TMEM232: variants seen among roughly 807,000 people sequenced by gnomAD.
The protein encoded by TMEM232 is transmembrane protein 232.
A neutral mutation model predicts 78.8 loss-of-function variants in TMEM232; 80 were observed. The ratio of observed to expected loss-of-function variants is 1.01; its 90% CI spans 0.85 to 1.22. The LOEUF (loss-of-function observed/expected upper bound fraction) is 1.22. Ranked by LOEUF, TMEM232 falls within the 50% of genes most tolerant of loss-of-function variation. TMEM232 has a pLI of 0.00. For synonymous variants in TMEM232, 297 were observed against 254.3 expected (o/e 1.17, Z -1.60); for missense variants, 881 against 742.2 (o/e 1.19, Z -2.17).
intron 12 of TMEM232, among the ~76,000 whole-genome samples, chr5:110,490,192 A>AGAAAGAAAGAAG (rs879275196): frequency 2.7e-5 from 4 of 150,618 alleles, no homozygotes; most frequent in Non-Finnish European, 3.0e-5. Flanking sequence ...AAAGAAAGAA[A>AGAAAGAAAGAAG]AAGTTAATTG....
intron 12 of TMEM232, among the ~76,000 whole-genome samples, chr5:110,515,586 C>G (rs573997584): frequency 6.6e-6 from 1 of 152,334 alleles, no homozygotes; most frequent in East Asian, 1.9e-4. Context: ...CAAACTCCAG[C>G]ACCCCTAATC....
chr5:110,574,110 C>T (rs563893040), intron 10 of TMEM232, among the ~76,000 whole-genome samples: 1 of 151,846 alleles, frequency 6.6e-6, no homozygotes, highest in Non-Finnish European at 1.5e-5. Flanking sequence ...CAATAGAATA[C>T]TAGTAAAAGG....
At chr5:110,689,747 T>G (rs1192990471) in intron 1 of TMEM232, among the ~76,000 whole-genome samples, 1 of 152,164 alleles carries the variant, frequency 6.6e-6, no homozygotes, top group South Asian at 2.1e-4. Context: ...ACTACAAGGC[T>G]ACAGTAACCA....
intron 12 of TMEM232, among the ~76,000 whole-genome samples, chr5:110,472,811 C>T (rs1049140654): frequency 3.3e-5 from 5 of 151,858 alleles, no homozygotes; most frequent in African/African-American, 1.2e-4. Context: ...GGGCCAAAAA[C>T]TCATACTGGG....
intron 12 of TMEM232, among the ~76,000 whole-genome samples, chr5:110,436,514 C>T (rs755053797): frequency 2.6e-5 from 4 of 151,934 alleles, no homozygotes; most frequent in South Asian, 2.1e-4. Flanking sequence ...TGAAGTATCA[C>T]TCAATAAATT....
At chr5:110,441,117 G>C (rs1758993251) in intron 12 of TMEM232, among the ~76,000 whole-genome samples, 1 of 152,084 alleles carries the variant, frequency 6.6e-6, no homozygotes, top group African/African-American at 2.4e-5. Context: ...GCAAGTCTCT[G>C]GATCCAGGGT....
intron 1 of TMEM232, among the ~76,000 whole-genome samples, chr5:110,679,371 T>G (rs138336693): frequency 5.9e-4 from 90 of 152,342 alleles, no homozygotes; most frequent in African/African-American, 1.6e-3. Flanking sequence ...TTAATCATGT[T>G]GCTTGTTTTT....
chr5:110,575,774 T>G (rs112862641), intron 10 of TMEM232, among the ~76,000 whole-genome samples: 1,982 of 152,084 alleles, frequency 0.013, 37 homozygotes, highest in African/African-American at 0.045. Context: ...ACCATGCTTC[T>G]CCCACAGATC....
At chr5:110,402,154 A>G (rs1293444096) in intron 2 of TMEM232, among the ~76,000 whole-genome samples, 2 of 152,092 alleles carry the variant, frequency 1.3e-5, no homozygotes, top group African/African-American at 2.4e-5. Flanking sequence ...ATCCGTTTGC[A>G]TCATTGCTCA....
intron 6 of TMEM232, 80 bp from the exon 7 acceptor site, chr5:110,625,513 CTA>C: frequency 1.2e-5 from 16 of 1,296,916 alleles, no homozygotes; most frequent in Non-Finnish European, 1.6e-5. Flanking sequence ...AGCTATTAAA[CTA>C]TAATTAAATT....
rs118040115 is a variant in TMEM232 at position 110,654,123 on chromosome 5, C to T, written c.126-11752G>A. Among the ~76,000 whole-genome samples the T allele has an allele frequency of 2.0e-3, 308 of 152,210 alleles. 5 individuals are homozygous for T. The East Asian group carries it at 0.034, about 17-fold the overall frequency. On this transcript the variant is annotated intron_variant, in intron 2 of 13. Transcript: ENST00000455884. ...GCAAATTCCTTCTCTGAAAAGTGTT[C>T]GTTATTAACAGTCCCTGCTGCACTG...
In TMEM232 at chr5:110,540,883, C is replaced by T. The variant is rs192315793; in HGVS notation, c.1456-12048G>A. 9.2e-5 allele frequency among the ~76,000 whole-genome samples: 14 copies of T among 152,248 alleles called. No homozygotes were observed. The East Asian group carries it at 1.5e-3, about 17-fold the overall frequency. On this transcript the variant is annotated intron_variant, in intron 11 of 13. Coordinates refer to ENST00000455884, the MANE Select transcript of TMEM232 (RefSeq NM_001039763.4). ...CAAACACTCTCCTATAAAGCATGGG[C>T]CTGAAATTCTTCAGCTATTAAAAGC...
At chr5:110,440,691 G>T (rs1483658814) in intron 12 of TMEM232, among the ~76,000 whole-genome samples, 1 of 152,086 alleles carries the variant, frequency 6.6e-6, no homozygotes, top group Non-Finnish European at 1.5e-5. Flanking sequence ...TATATTTGAA[G>T]AACTAGGCAT....
rs1363489586 is a variant in TMEM232 at position 110,420,088 on chromosome 5, T to C, written c.*492A>G. On this transcript the variant is annotated 3_prime_UTR_variant, in exon 14 of 14. Transcript: ENST00000455884. ...TAGGGTTTGTTTGGTTTGGTATAAA[T>C]TGACTATAAAATGCCAATCAAATAA... 1.3e-5 allele frequency: 2 copies of C among 152,404 alleles called. No individual in the cohort carries two copies. The highest frequency in any genetic ancestry group is 2.9e-5 in the Non-Finnish European group (2 of 68,218). 9.4% of individuals were successfully genotyped at this position (152,404 alleles called of 1,614,324 possible). A position where few individuals can be genotyped will look rare whatever the true frequency, so the allele number is the denominator to read the frequency against.
At chr5:110,550,364 G>A (rs1333557509) in intron 11 of TMEM232, among the ~76,000 whole-genome samples, 3 of 152,002 alleles carry the variant, frequency 2.0e-5, no homozygotes, top group South Asian at 2.1e-4. Context: ...TGAGACTCAC[G>A]TAAAACATAC....
chr5:110,513,046 T>C (rs1249296918), intron 12 of TMEM232, among the ~76,000 whole-genome samples: 3 of 152,166 alleles, frequency 2.0e-5, no homozygotes, highest in Non-Finnish European at 4.4e-5. Flanking sequence ...TATTGCCCCA[T>C]TGATGACACC....
chr5:110,389,066 G>T (rs1446561658), intron 4 of TMEM232, among the ~76,000 whole-genome samples: 1 of 152,068 alleles, frequency 6.6e-6, no homozygotes, highest in Non-Finnish European at 1.5e-5. Flanking sequence ...TTCAAGACCG[G>T]CCTGGCCAAC....
chr5:110,528,885 G>A, intron 11 of TMEM232, 50 bp from the exon 12 acceptor site: 2 of 1,252,480 alleles, frequency 1.6e-6, no homozygotes, highest in Non-Finnish European at 1.0e-6. Flanking sequence ...TTAAATGGGA[G>A]AAAAAAAATC....
chr5:110,643,833 A>G (rs1451074010), intron 2 of TMEM232, among the ~76,000 whole-genome samples: 1 of 152,004 alleles, frequency 6.6e-6, no homozygotes, highest in Non-Finnish European at 1.5e-5. Context: ...GAACAAAGGT[A>G]ATGATAAGGT....
Sources: allele counts gnomAD v4.1 joint callset (sites outside exome capture counted in the v4.1 genomes callset), GRCh38; gene constraint gnomAD v4.1.1; transcripts MANE v1.5; gene names NCBI Gene and HGNC (gene_info 2026-07-23, HGNC 2026-07-21).